Variants in RARS2 observed in about 807,000 individuals in gnomAD.
RARS2 encodes the protein arginyl-tRNA synthetase 2, mitochondrial.
Under a neutral mutation model 88.5 loss-of-function variants are expected in RARS2, and 67 were observed. The ratio of observed to expected loss-of-function variants is 0.76; its 90% confidence interval spans 0.62 to 0.93. The LOEUF is 0.93. RARS2 is among the 40% of genes least tolerant of loss of function. RARS2 has a pLI of 0.00. For missense variants in RARS2, 664 were observed against 684.2 expected, an observed-to-expected ratio of 0.97 and a Z score of 0.33; for synonymous variants, 239 against 230.3, an observed-to-expected ratio of 1.04 and a Z score of -0.34.
chr6:87,549,258 A>C (rs191114410), intron 5 of RARS2, among the ~76,000 whole-genome samples: 1 of 152,196 alleles, frequency 6.6e-6, no homozygotes, highest in Admixed American at 6.5e-5. Flanking sequence ...TGGGAGGCTG[A>C]GGCAGGAGAA....
In RARS2 at chr6:87,518,223, T is replaced by G. The variant is rs1478086721; in HGVS notation, c.1457A>C (p.Asn486Thr). Residue 486 changes from asparagine to threonine, a missense_variant, in exon 17 of 20, where the codon AAC becomes ACC. Asn to Thr is a moderately conservative substitution (Grantham distance 65). Coordinates refer to ENST00000369536, the MANE Select transcript of RARS2 (RefSeq NM_020320.5). ...CTGTGGCTCTTGTAAACAAGCAGTGTTGAAGTCATTCAGGTACCCACATCC... is the reference window on the plus strand; with the variant it reads ...CTGTGGCTCTTGTAAACAAGCAGTGGTGAAGTCATTCAGGTACCCACATCC... Reference protein sequence around the residue: ...TFGCGYLNDFNTACLQEPQSV... With the variant: ...TFGCGYLNDFTTACLQEPQSV... 1.2e-6 allele frequency: 2 copies of G among 1,614,178 alleles called. No individual in the cohort carries two copies. Among genetic ancestry groups the G allele is most frequent in the East Asian group, 4.5e-5 (2 of 44,880 alleles).
At chr6:87,583,589 CA>C (rs5878038) in intron 1 of RARS2, among the ~76,000 whole-genome samples, 46,314 of 125,330 alleles carry the variant, frequency 0.37, 7,054 homozygotes, top group Admixed American at 0.45. Context: ...AACTGCGTCT[CA>C]AAAAAAAAAA....
At chr6:87,589,307 T>C (rs1028835929) in intron 1 of RARS2, among the ~76,000 whole-genome samples, 1 of 152,118 alleles carries the variant, frequency 6.6e-6, no homozygotes, top group African/African-American at 2.4e-5. Flanking sequence ...GCCCAGGAGT[T>C]TGAGGCCTGC....
intron 6 of RARS2, 29 bp from the exon 7 acceptor site, chr6:87,545,728 C>T (rs891100564): frequency 6.2e-7 from 1 of 1,604,922 alleles, no homozygotes; most frequent in Non-Finnish European, 8.5e-7. Context: ...TATAGTTTCT[C>T]ATTCTTGTTA....
chr6:87,545,316 T>C (rs1020855764), intron 7 of RARS2, among the ~76,000 whole-genome samples: 2 of 152,166 alleles, frequency 1.3e-5, no homozygotes, highest in African/African-American at 4.8e-5. Flanking sequence ...ACTCCTGGGC[T>C]CAAGTGATCC....
intron 8 of RARS2, among the ~76,000 whole-genome samples, chr6:87,538,414 C>A (rs1447578490): frequency 6.6e-6 from 1 of 152,180 alleles, no homozygotes; most frequent in Non-Finnish European, 1.5e-5. Context: ...TAAATAACCT[C>A]TAACATAGAT....
chr6:87,571,956 A>G (rs1351770062), intron 1 of RARS2, among the ~76,000 whole-genome samples: 1 of 152,208 alleles, frequency 6.6e-6, no homozygotes, highest in East Asian at 1.9e-4. Context: ...CTAAAAAGTC[A>G]TTTCTTTAGG....
chr6:87,589,018 G>A (rs948803916), intron 1 of RARS2, among the ~76,000 whole-genome samples: 2 of 152,120 alleles, frequency 1.3e-5, no homozygotes, highest in Admixed American at 1.3e-4. Flanking sequence ...TAAACATAAA[G>A]ACAAGGCAGA....
At chr6:87,548,142 C>G (rs1362382198) in intron 6 of RARS2, among the ~76,000 whole-genome samples, 1 of 152,100 alleles carries the variant, frequency 6.6e-6, no homozygotes, top group East Asian at 1.9e-4. Context: ...ACTTGGGAGG[C>G]TGAGGCAGGA....
Position 87,518,020 on chromosome 6 carries a change from G to A in RARS2, c.1511+149C>T, listed in dbSNP as rs141506373. The A allele has an allele frequency of 3.7e-4, 540 of 1,462,076 alleles. No individual in the cohort carries two copies. In the African/African-American group the frequency reaches 6.9e-3, roughly 19 times the overall value. The allele number at this position is 1,462,076 out of a possible 1,614,324, so 90.6% of individuals were successfully genotyped here. ...AATCTATGCCCTCTGTCCTCAAAAT[G>A]CAAATAATCACTTTTTAAGGCATAC... On this transcript the variant is annotated intron_variant, in intron 17 of 19. Coordinates refer to ENST00000369536, the MANE Select transcript of RARS2 (RefSeq NM_020320.5).
intron 1 of RARS2, among the ~76,000 whole-genome samples, chr6:87,587,212 A>G (rs1289732457): frequency 2.0e-5 from 3 of 152,318 alleles, no homozygotes; most frequent in South Asian, 4.1e-4. Context: ...GAATTCTCCA[A>G]TGAACATTTC....
intron 4 of RARS2, among the ~76,000 whole-genome samples, chr6:87,559,478 AAAAAAAAAAAAAG>A: frequency 9.5e-6 from 1 of 105,680 alleles, no homozygotes; most frequent in African/African-American, 3.4e-5. Flanking sequence ...AAAAAAAAAA[AAAAAAAAAAAAAG>A]AGACAGGGTC....
intron 19 of RARS2, 135 bp from the exon 20 acceptor site, chr6:87,514,634 G>T: frequency 1.3e-6 from 1 of 797,068 alleles, no homozygotes; most frequent in Non-Finnish European, 2.1e-6. Context: ...AGTTACTATA[G>T]GCAAGAGAAG....
Position 87,523,606 on chromosome 6 carries a change from T to C in RARS2, c.974+951A>G, listed in dbSNP as rs115290697. Among the ~76,000 whole-genome samples the C allele has an allele frequency of 2.6e-3, 393 of 152,322 alleles. 2 individuals are homozygous for C. The highest frequency in any genetic ancestry group is 0.02 in the Middle Eastern group (6 of 294). Reference sequence around the variant, plus strand: ...AAAAAACACCAAATTAGGATAGTTATAGAGACTTCATGTCATAGGGCCCCT... The same window carrying C: ...AAAAAACACCAAATTAGGATAGTTACAGAGACTTCATGTCATAGGGCCCCT... On this transcript the variant is annotated intron_variant, in intron 11 of 19. Coordinates refer to ENST00000369536, the MANE Select transcript of RARS2 (RefSeq NM_020320.5).
intron 3 of RARS2, 78 bp downstream of exon 3, chr6:87,564,052 G>T: frequency 9.5e-7 from 1 of 1,057,348 alleles, no homozygotes; most frequent in Non-Finnish European, 1.5e-6. Flanking sequence ...CACTATTATG[G>T]CTGAGATAGC....
Position 87,551,626 on chromosome 6 carries a change from C to CAAAAAAAAA in RARS2, c.396-2989_396-2981dup, listed in dbSNP as rs71018036. 1.2e-3 allele frequency among the ~76,000 whole-genome samples: 80 copies of CAAAAAAAAA among 65,070 alleles called. 1 individual carries two copies. The highest frequency in any genetic ancestry group is 1.4e-3 in the Non-Finnish European group (52 of 37,828). 42.7% of individuals were successfully genotyped at this position (65,070 alleles called of 152,430 possible). On this transcript the variant is annotated intron_variant, in intron 5 of 19. Coordinates refer to ENST00000369536, the MANE Select transcript of RARS2 (RefSeq NM_020320.5). Reference sequence around the variant, plus strand: ...GCGAGACAGCAAGACTCCGTCTCAACAAAAAAAAAAAAAAAAAAAAAAAGA... The same window carrying CAAAAAAAAA: ...GCGAGACAGCAAGACTCCGTCTCAACAAAAAAAAAAAAAAAAAAAAAAAAAAAAAAAAGA...
chr6:87,535,676 G>GTTTTTTT (rs10710147), intron 8 of RARS2, among the ~76,000 whole-genome samples: 1 of 111,394 alleles, frequency 9.0e-6, no homozygotes, highest in African/African-American at 3.7e-5. Flanking sequence ...TAACTGTTTT[G>GTTTTTTT]TTTTTTTTTT....
At position 87,553,328 on chromosome 6, in the gene RARS2, C is replaced by A. The variant is rs1018750377; in HGVS notation, c.395+2080G>T. 2.6e-5 allele frequency among the ~76,000 whole-genome samples: 4 copies of A among 152,194 alleles called. No individual in the cohort carries two copies. The South Asian group carries it at 6.2e-4, about 24-fold the overall frequency. ...TGACCTCAGGCAAGTAGAAGAACCACTGGCCTGAAATACCCCTCTCTCCCC... is the reference window on the plus strand; with the variant it reads ...TGACCTCAGGCAAGTAGAAGAACCAATGGCCTGAAATACCCCTCTCTCCCC... On this transcript the variant is annotated intron_variant, in intron 5 of 19. Transcript: ENST00000369536.
At chr6:87,559,922 T>C (rs1302080942) in intron 4 of RARS2, among the ~76,000 whole-genome samples, 2 of 152,222 alleles carry the variant, frequency 1.3e-5, no homozygotes, top group Non-Finnish European at 2.9e-5. Context: ...TTTAGACATG[T>C]TAAGATACAA....
Sources: allele counts gnomAD v4.1 joint callset (sites outside exome capture counted in the v4.1 genomes callset), GRCh38; gene constraint gnomAD v4.1.1; transcripts MANE v1.5; gene names NCBI Gene and HGNC (gene_info 2026-07-23, HGNC 2026-07-21).